TRAK1: variants seen among roughly 807,000 people sequenced by gnomAD.
TRAK1 encodes trafficking kinesin protein 1, also known as trafficking kinesin-binding protein 1.
In TRAK1, 33 loss-of-function variants were observed where a neutral mutation model predicts 92.1. That is an observed-to-expected ratio of 0.36 (90% confidence interval 0.27 to 0.48). The LOEUF (loss-of-function observed/expected upper bound fraction) is 0.48. TRAK1 is among the 20% of genes least tolerant of loss of function. TRAK1 has a pLI of 0.99. For missense variants in TRAK1, 1,123 were observed against 1,257.9 expected (o/e 0.89, Z 1.62); for synonymous variants, 521 against 517.3 (o/e 1.01, Z -0.10).
At chr3:42,160,371 C>A (rs369997765) in intron 2 of TRAK1, 2 of 1,614,064 alleles carry the variant, frequency 1.2e-6, no homozygotes, top group Non-Finnish European at 8.5e-7. Context: ...AATGTCCCTG[C>A]GAGACAAGGG....
At chr3:42,063,850 G>T (rs999085381) in intron 1 of TRAK1, among the ~76,000 whole-genome samples, 1 of 152,182 alleles carries the variant, frequency 6.6e-6, no homozygotes, top group South Asian at 2.1e-4. Context: ...CCTTGAATCT[G>T]CGTTGGCCCG....
intron 2 of TRAK1, among the ~76,000 whole-genome samples, chr3:42,128,951 A>T (rs946003184): frequency 6.6e-6 from 1 of 152,204 alleles, no homozygotes. Flanking sequence ...TTTATTCTTT[A>T]ATAAAGAAGC....
intron 2 of TRAK1, among the ~76,000 whole-genome samples, chr3:42,171,778 G>T (rs923940297): frequency 6.6e-6 from 1 of 152,162 alleles, no homozygotes; most frequent in South Asian, 2.1e-4. Context: ...TCAGGCAGGG[G>T]CATGTTTCTG....
intron 3 of TRAK1, among the ~76,000 whole-genome samples, chr3:42,183,568 A>AAAAAAAAAAAAAAAAG (rs1553751625): frequency 2.1e-5 from 3 of 145,214 alleles, no homozygotes; most frequent in Non-Finnish European, 4.6e-5. Flanking sequence ...AAAAAAAAAA[A>AAAAAAAAAAAAAAAAG]AAAGAAAGAA....
chr3:42,127,467 C>T (rs1710733878), intron 2 of TRAK1, among the ~76,000 whole-genome samples: 1 of 151,840 alleles, frequency 6.6e-6, no homozygotes, highest in African/African-American at 2.4e-5. Flanking sequence ...ACCCTCCCAC[C>T]TTAGCTTCCT....
chr3:42,031,885 A>G (rs1702159703), intron 1 of TRAK1, among the ~76,000 whole-genome samples: 1 of 152,052 alleles, frequency 6.6e-6, no homozygotes, highest in Non-Finnish European at 1.5e-5. Context: ...TAAACAGCTG[A>G]TCCAAGGCTC....
At chr3:42,013,681 G>T (rs1559696609), upstream of TRAK1, 2 of 146,998 alleles carry the variant, frequency 1.4e-5, no homozygotes, top group Admixed American at 6.8e-5. The surrounding 1 kb of genome is among the most constrained non-coding windows in gnomAD (Gnocchi z 5.1). Context: ...GCGCGGCGGC[G>T]CCCGCAACAG....
At chr3:42,162,824 C>T (rs1463216975) in intron 2 of TRAK1, among the ~76,000 whole-genome samples, 22 of 152,268 alleles carry the variant, frequency 1.4e-4, no homozygotes. Flanking sequence ...TTATTACCCT[C>T]GTGCTCATCT....
At chr3:42,093,664 TCCCTCCCCTCCCCTCCCCTC>T (rs1228967374) in intron 1 of TRAK1, among the ~76,000 whole-genome samples, 4 of 18,576 alleles carry the variant, frequency 2.2e-4, no homozygotes, top group South Asian at 6.6e-3. Flanking sequence ...TCCCTTCCCT[TCCCTCCCCTCCCCTCCCCTC>T]CCCTCCCCTC....
At chr3:42,018,231 G>A (rs1701601201) in intron 1 of TRAK1, among the ~76,000 whole-genome samples, 1 of 150,606 alleles carries the variant, frequency 6.6e-6, no homozygotes, top group African/African-American at 2.4e-5. Context: ...TTGCACCATT[G>A]TACTCTAGCC....
At chr3:42,096,813 T>C (rs1705994625) in intron 1 of TRAK1, among the ~76,000 whole-genome samples, 1 of 152,212 alleles carries the variant, frequency 6.6e-6, no homozygotes, top group South Asian at 2.1e-4. Context: ...TGCTGTAAGT[T>C]GTTTTCAGTT....
At chr3:42,141,225 T>C (rs1576581124) in intron 2 of TRAK1, among the ~76,000 whole-genome samples, 1 of 152,332 alleles carries the variant, frequency 6.6e-6, no homozygotes, top group East Asian at 1.9e-4. Context: ...CTTTTAAACA[T>C]TTAAATTTGA....
chr3:42,219,786 G>GTTTTTTTTTTTTTTT (rs397989334), intron 15 of TRAK1, among the ~76,000 whole-genome samples, 190 bp downstream of exon 15: 2 of 63,498 alleles, frequency 3.1e-5, no homozygotes, highest in Non-Finnish European at 6.7e-5. Context: ...GTTGTTATGT[G>GTTTTTTTTTTTTTTT]TTTTTTTTTT....
intron 11 of TRAK1, among the ~76,000 whole-genome samples, chr3:42,200,327 A>G (rs1309168441): frequency 6.6e-6 from 1 of 152,222 alleles, no homozygotes; most frequent in Non-Finnish European, 1.5e-5. Context: ...AGTATTTATC[A>G]TCTTATTATA....
At chr3:42,062,032 T>G (rs1033246102) in intron 1 of TRAK1, among the ~76,000 whole-genome samples, 3 of 152,224 alleles carry the variant, frequency 2.0e-5, no homozygotes, top group African/African-American at 7.2e-5. Context: ...GGCTGCCCAT[T>G]TGGGAGAAGG....
At chr3:42,057,197 C>T (rs1245275389) in intron 1 of TRAK1, among the ~76,000 whole-genome samples, 1 of 152,186 alleles carries the variant, frequency 6.6e-6, no homozygotes, top group Non-Finnish European at 1.5e-5. Context: ...TCCAGTGCTA[C>T]TTTGGATACC....
In TRAK1 at chr3:42,193,265, A is replaced by C. The variant is rs1706090178; in HGVS notation, c.900+60A>C. The C allele has an allele frequency of 1.0e-5, 16 of 1,599,044 alleles. No individual in the cohort carries two copies. In the East Asian group the frequency reaches 3.6e-4, roughly 36 times the overall value. On this transcript the variant is annotated intron_variant, in intron 8 of 15. Transcript: ENST00000327628. ...ATGGCCATGCTGAGACGGGGAAGGGACATTTACTCCAGAAGACAGTGCTCT... is the reference window on the plus strand; with the variant it reads ...ATGGCCATGCTGAGACGGGGAAGGGCCATTTACTCCAGAAGACAGTGCTCT...
intron 3 of TRAK1, among the ~76,000 whole-genome samples, chr3:42,184,162 G>A (rs1183208347): frequency 6.6e-6 from 1 of 152,176 alleles, no homozygotes; most frequent in Non-Finnish European, 1.5e-5. Context: ...TTCACATGAG[G>A]CAAAAATAAG....
chr3:42,174,358 A>G (rs1175605605), intron 2 of TRAK1, among the ~76,000 whole-genome samples: 1 of 152,244 alleles, frequency 6.6e-6, no homozygotes, highest in Admixed American at 6.5e-5. Flanking sequence ...GTGCACACAA[A>G]TAAGTGCAAG....
Sources: allele counts gnomAD v4.1 joint callset (sites outside exome capture counted in the v4.1 genomes callset), GRCh38; gene constraint gnomAD v4.1.1; non-coding constraint Gnocchi (gnomAD v3.1); transcripts MANE v1.5; gene names NCBI Gene and HGNC (gene_info 2026-07-23, HGNC 2026-07-21).